The following ATP7B variants were observed in gnomAD, a reference collection of about 807,000 sequenced individuals.
ATP7B encodes ATPase copper transporting beta, also known as copper-transporting ATPase 2.
Under a neutral mutation model 118.9 loss-of-function variants are expected in ATP7B, and 113 were observed. That is an observed-to-expected ratio of 0.95 (90% confidence interval 0.82 to 1.11). The LOEUF (loss-of-function observed/expected upper bound fraction) is 1.11. Ranked by LOEUF, ATP7B falls within the 50% of genes most tolerant of loss-of-function variation. ATP7B has a pLI of 0.00. For synonymous variants in ATP7B, 777 were observed against 727.4 expected (o/e 1.07, Z -1.10); for missense variants, 1,867 against 1,871.4 (o/e 1.00, Z 0.04).
chr13:51,945,524 C>T (rs1566481450), intron 13 of ATP7B, among the ~76,000 whole-genome samples: 1 of 152,180 alleles, frequency 6.6e-6, no homozygotes, highest in Non-Finnish European at 1.5e-5. Flanking sequence ...CGTTCGTATT[C>T]GCTTCCCTGA....
intron 5 of ATP7B, among the ~76,000 whole-genome samples, chr13:51,964,048 C>CA (rs1190242862): frequency 2.0e-5 from 3 of 148,798 alleles, no homozygotes; most frequent in Admixed American, 6.8e-5. Flanking sequence ...GAGACTCTGT[C>CA]AAAAAAAGAA....
At position 51,942,436 on chromosome 13, in the gene ATP7B, C is replaced by T. The variant is rs756389208; in HGVS notation, c.3362G>A (p.Ser1121Asn). The change falls in exon 15 of 21, where the codon AGT becomes AAT. Residue 1121 changes from serine (S) to asparagine (N), a missense_variant. Physicochemically the swap from Ser to Asn is conservative, Grantham distance 46. Transcript: ENST00000242839. Reference protein sequence around the residue: ...GILAHSERPLSAPASHLNEAG... With the variant: ...GILAHSERPLNAPASHLNEAG... ...CTCATTCAGGTGACTGGCCGGTGCA[C>T]TCAAAGGGCGCTCACTGTGGGCCAG... 1.2e-6 allele frequency: 2 copies of T among 1,614,228 alleles called. No individual in the cohort carries two copies. The highest frequency in any genetic ancestry group is 4.5e-5 in the East Asian group (2 of 44,888).
intron 1 of ATP7B, among the ~76,000 whole-genome samples, chr13:52,002,929 T>C (rs767837185): frequency 6.6e-6 from 1 of 152,218 alleles, no homozygotes; most frequent in Non-Finnish European, 1.5e-5. Flanking sequence ...CAGTAAGTCA[T>C]GGTCTTTCTG....
chr13:51,942,526 C>A lies in ATP7B; in HGVS notation c.3272G>T (p.Cys1091Phe). Residue 1091 changes from cysteine to phenylalanine, a missense_variant, in exon 15 of 21, where the codon TGC becomes TTC. Coordinates refer to ENST00000242839, the MANE Select transcript of ATP7B (RefSeq NM_000053.4). ...GCCTGGCACTGCCTGGAAGTCCGTGCAGTATCCCAAGGTCTCTGTTCCAAG... is the reference window on the plus strand; with the variant it reads ...GCCTGGCACTGCCTGGAAGTCCGTGAAGTATCCCAAGGTCTCTGTTCCAAG... ...EELGTETLGY[C>F]TDFQAVPGCG... 1.9e-6 allele frequency: 3 copies of A among 1,614,148 alleles called. No homozygotes were observed. The highest frequency in any genetic ancestry group is 2.5e-6 in the Non-Finnish European group (3 of 1,180,028).
At chr13:51,950,937 AGTGACGT>A (rs1247516984) in intron 9 of ATP7B, among the ~76,000 whole-genome samples, 1 of 152,148 alleles carries the variant, frequency 6.6e-6, no homozygotes. Context: ...GCAGGAAGTA[AGTGACGT>A]GCAAGTTGAG....
Position 51,934,877 on chromosome 13 carries a change from C to T in ATP7B, c.4277G>A (p.Ser1426Asn). The change falls in exon 21 of 21, where the codon AGC becomes AAC. Residue 1426 changes from serine (S) to asparagine (N), a missense_variant. Physicochemically the swap from Ser to Asn is conservative, Grantham distance 46. Transcript: ENST00000242839. ...ATPWDQVSYVSQVSLSSLTSD... is the reference protein window; with the variant it reads ...ATPWDQVSYVNQVSLSSLTSD... ...CGTCAGGGAGGACAGCGACACCTGG[C>T]TGACATAGCTGACCTGGTCCCATGG... The T allele has an allele frequency of 6.2e-7, 1 of 1,614,200 alleles. No homozygotes were observed. Among genetic ancestry groups the T allele is most frequent in the Non-Finnish European group, 8.5e-7 (1 of 1,180,046 alleles).
intron 2 of ATP7B, among the ~76,000 whole-genome samples, chr13:51,973,038 T>C (rs185928981): frequency 6.6e-6 from 1 of 152,148 alleles, no homozygotes; most frequent in African/African-American, 2.4e-5. Context: ...AATTAAAAAA[T>C]ATAAAAGCCT....
At chr13:51,938,170 G>A (rs919130414) in intron 17 of ATP7B, among the ~76,000 whole-genome samples, 3 of 152,120 alleles carry the variant, frequency 2.0e-5, no homozygotes, top group South Asian at 2.1e-4. Flanking sequence ...TCTCCAAACC[G>A]CCGTGCTACT....
chr13:52,008,434 G>A (rs988298847), intron 1 of ATP7B, among the ~76,000 whole-genome samples: 4 of 152,212 alleles, frequency 2.6e-5, no homozygotes, highest in African/African-American at 9.7e-5. Flanking sequence ...ATCTCCAGAG[G>A]TTGGAGCACG....
intron 9 of ATP7B, among the ~76,000 whole-genome samples, chr13:51,950,757 G>A (rs890861072): frequency 4.0e-5 from 6 of 151,580 alleles, no homozygotes; most frequent in African/African-American, 7.2e-5. Flanking sequence ...GAGGGAGGAG[G>A]AGACATGGAA....
intron 9 of ATP7B, among the ~76,000 whole-genome samples, chr13:51,953,254 C>T (rs545735440): frequency 1.3e-5 from 2 of 152,302 alleles, no homozygotes; most frequent in Middle Eastern, 6.8e-3. Context: ...GAGGATTTAT[C>T]ATCCCACAGA....
rs1956789415 is a variant in ATP7B at position 51,933,123 on chromosome 13, C to A, written c.*1633G>T. The A allele has an allele frequency of 6.6e-6, 1 of 152,196 alleles. No individual in the cohort carries two copies. The highest frequency in any genetic ancestry group is 2.1e-4 in the South Asian group (1 of 4,840). The allele number at this position is 152,196 out of a possible 1,614,324, so 9.4% of individuals were successfully genotyped here. A position where few individuals can be genotyped will look rare whatever the true frequency, so the allele number is the denominator to read the frequency against. ...GAATCAAGTGCATTCTGAGTTGAAA[C>A]AATGAATAGATCACCTGGTAGATTT... On this transcript the variant is annotated 3_prime_UTR_variant, in exon 21 of 21. Coordinates refer to ENST00000242839, the MANE Select transcript of ATP7B (RefSeq NM_000053.4).
intron 2 of ATP7B, among the ~76,000 whole-genome samples, chr13:51,973,049 G>A (rs941709723): frequency 1.3e-5 from 2 of 152,012 alleles, no homozygotes; most frequent in Admixed American, 6.5e-5. Flanking sequence ...ATAAAAGCCT[G>A]GTGGCTCCCT....
At chr13:51,940,987 C>CTT in intron 16 of ATP7B, 94 bp downstream of exon 16, 1 of 1,565,036 alleles carries the variant, frequency 6.4e-7, no homozygotes, top group Non-Finnish European at 8.8e-7. Context: ...TTTTGTTTGT[C>CTT]TTCTTTTCTT....
intron 1 of ATP7B, among the ~76,000 whole-genome samples, chr13:51,995,740 T>G (rs917842982): frequency 6.6e-6 from 1 of 152,136 alleles, no homozygotes; most frequent in East Asian, 1.9e-4. Flanking sequence ...CTTTGGGAAC[T>G]TGGGCAGGCT....
chr13:51,960,129 C>T lies in ATP7B; in HGVS notation c.2121+19G>A, dbSNP rs202091743. The T allele has an allele frequency of 1.2e-6, 2 of 1,610,836 alleles. No homozygotes were observed. The highest frequency in any genetic ancestry group is 1.7e-5 in the Admixed American group (1 of 60,022). On this transcript the variant is annotated intron_variant, in intron 7 of 20. Coordinates refer to ENST00000242839, the MANE Select transcript of ATP7B (RefSeq NM_000053.4). ...ACACAGCATGGAAGGGAGAGGTCTG[C>T]CCACTTTCTCATATATACCTGGACA...
At chr13:51,949,557 A>C in intron 12 of ATP7B, 105 bp downstream of exon 12, 2 of 1,503,866 alleles carry the variant, frequency 1.3e-6, no homozygotes, top group Admixed American at 1.7e-5. Context: ...AATAAAATGT[A>C]ATGAATAATT....
chr13:52,008,647 G>A (rs1953888441), intron 1 of ATP7B, among the ~76,000 whole-genome samples: 1 of 152,146 alleles, frequency 6.6e-6, no homozygotes, highest in Non-Finnish European at 1.5e-5. Flanking sequence ...CTCTATGTCA[G>A]GAACTTGGGA....
intron 1 of ATP7B, among the ~76,000 whole-genome samples, chr13:52,000,503 T>C (rs1200449642): frequency 1.3e-5 from 2 of 152,318 alleles, no homozygotes; most frequent in East Asian, 1.9e-4. Context: ...ACATTCAGAC[T>C]ATATCACCAC....
Sources: allele counts gnomAD v4.1 joint callset (sites outside exome capture counted in the v4.1 genomes callset), GRCh38; gene constraint gnomAD v4.1.1; transcripts MANE v1.5; gene names NCBI Gene and HGNC (gene_info 2026-07-23, HGNC 2026-07-21).